The following SLC5A12 variants were observed in gnomAD, a reference collection of about 807,000 sequenced individuals.
SLC5A12 encodes solute carrier family 5 member 12, also known as sodium-coupled monocarboxylate transporter 2.
SLC5A12 carries 46 observed loss-of-function variants against 72.7 expected under a neutral mutation model. The observed-to-expected ratio is 0.63, with a 90% CI of 0.50 to 0.81. The LOEUF (loss-of-function observed/expected upper bound fraction) is 0.81, where lower values mean the gene tolerates loss of function less well. SLC5A12 is among the 30% of genes least tolerant of loss of function. SLC5A12 has a pLI of 0.00. For synonymous variants in SLC5A12, 275 were observed against 264.4 expected (o/e 1.04, Z -0.39); for missense variants, 683 against 740.7 (o/e 0.92, Z 0.90).
chr11:26,671,990 G>T (rs1854154642), intron 14 of SLC5A12, among the ~76,000 whole-genome samples: 1 of 152,076 alleles, frequency 6.6e-6, no homozygotes, highest in South Asian at 2.1e-4. Context: ...TGCTTATCAA[G>T]CCACTGTTCA....
intron 10 of SLC5A12, among the ~76,000 whole-genome samples, chr11:26,685,316 C>A (rs536579661): frequency 2.6e-5 from 4 of 152,258 alleles, no homozygotes; most frequent in African/African-American, 9.6e-5. Flanking sequence ...ATAAGAAACT[C>A]TAAATAATGT....
chr11:26,688,494 T>C (rs1050725390), intron 9 of SLC5A12, among the ~76,000 whole-genome samples: 10 of 152,166 alleles, frequency 6.6e-5, no homozygotes, highest in African/African-American at 2.2e-4. Flanking sequence ...CCTCTCTTCT[T>C]GTTCAAACAC....
At chr11:26,706,895 T>A (rs966579466) in intron 4 of SLC5A12, among the ~76,000 whole-genome samples, 25 of 151,316 alleles carry the variant, frequency 1.7e-4, no homozygotes, top group Non-Finnish European at 3.1e-4. Context: ...ATAATGGTTA[T>A]CATTTCATAC....
At chr11:26,675,829 G>C (rs1854251962) in intron 13 of SLC5A12, among the ~76,000 whole-genome samples, 1 of 152,086 alleles carries the variant, frequency 6.6e-6, no homozygotes, top group Non-Finnish European at 1.5e-5. Flanking sequence ...GGCTTAAGTT[G>C]GAAGTTAGGA....
rs778468422 is a variant in SLC5A12 at position 26,673,392 on chromosome 11, A to G, written c.1707+10T>C. 4 of 1,542,018 alleles carry G rather than the reference A, an allele frequency of 2.6e-6. No homozygotes were observed. Among genetic ancestry groups the G allele is most frequent in the Non-Finnish European group, 3.5e-6 (4 of 1,145,330 alleles). ...CATACACATTTTTAGAAGCTCAAAC[A>G]TCAGCTCACCTGCTCTGTCCCACTG... On this transcript the variant is annotated intron_variant, in intron 14 of 14. Transcript: ENST00000396005.
chr11:26,683,358 T>C (rs1854452391), intron 11 of SLC5A12, among the ~76,000 whole-genome samples: 1 of 152,336 alleles, frequency 6.6e-6, no homozygotes, highest in East Asian at 1.9e-4. Context: ...AAGTTAGTTA[T>C]AAATCTAGGT....
Position 26,678,232 on chromosome 11 carries a change from G to C in SLC5A12, c.1579+480C>G, listed in dbSNP as rs142467677. 5.5e-3 allele frequency among the ~76,000 whole-genome samples: 834 copies of C among 152,296 alleles called. 6 individuals carry two copies. The highest frequency in any genetic ancestry group is 0.01 in the Middle Eastern group (3 of 292). ...GTCTCTTACTGGGATGAAGGGAAAA[G>C]AACCACTCTGAATATTTAACCTTAT... On this transcript the variant is annotated intron_variant, in intron 13 of 14. Coordinates refer to ENST00000396005, the MANE Select transcript of SLC5A12 (RefSeq NM_178498.4).
intron 9 of SLC5A12, among the ~76,000 whole-genome samples, chr11:26,688,025 C>T (rs1229915233): frequency 1.3e-5 from 2 of 152,146 alleles, no homozygotes; most frequent in Non-Finnish European, 2.9e-5. Flanking sequence ...CAATGGTTAC[C>T]TGTTCAAATG....
intron 6 of SLC5A12, among the ~76,000 whole-genome samples, chr11:26,700,556 G>A (rs762397183): frequency 1.4e-5 from 2 of 147,382 alleles, no homozygotes; most frequent in Non-Finnish European, 3.0e-5. Flanking sequence ...AGATCTGATA[G>A]AGATATGGGG....
intron 9 of SLC5A12, among the ~76,000 whole-genome samples, chr11:26,687,714 G>C (rs1398654420): frequency 6.6e-6 from 1 of 152,082 alleles, no homozygotes; most frequent in Admixed American, 6.6e-5. Context: ...AATGAAATCA[G>C]GCTAGTCATC....
intron 10 of SLC5A12, among the ~76,000 whole-genome samples, chr11:26,684,899 T>G (rs1480439527): frequency 6.6e-6 from 1 of 152,178 alleles, no homozygotes; most frequent in African/African-American, 2.4e-5. Context: ...GTTCCATGAA[T>G]AGGAAAATAA....
chr11:26,700,078 A>C (rs956941440), intron 6 of SLC5A12, among the ~76,000 whole-genome samples: 3 of 152,208 alleles, frequency 2.0e-5, no homozygotes, highest in Non-Finnish European at 4.4e-5. Flanking sequence ...TGAGTCAGTT[A>C]TATCATCTGT....
intron 12 of SLC5A12, 114 bp from the exon 13 acceptor site, chr11:26,678,929 C>T (rs1419790069): frequency 1.8e-6 from 1 of 551,372 alleles, no homozygotes; most frequent in Non-Finnish European, 3.1e-6. Flanking sequence ...TAAATCATAA[C>T]TTTTTGTCAT....
rs150900623 is a variant in SLC5A12 at position 26,678,797 on chromosome 11, G to A, written c.1494C>T (p.Thr498=). The A allele has an allele frequency of 1.9e-6, 3 of 1,612,782 alleles. No individual in the cohort carries two copies. The highest frequency in any genetic ancestry group is 2.2e-5 in the South Asian group (2 of 91,008). Residue 498 remains threonine, a synonymous_variant, in exon 13 of 15, where the codon ACC becomes ACT. Coordinates refer to ENST00000396005, the MANE Select transcript of SLC5A12 (RefSeq NM_178498.4). ...AGTAAAGGTAGGAGATCGAGTACCA[G>A]GTATCAGCTATTCCAGGTCTGTGGA... ...VLSSRPGIAD[T]WYSISYLYYS... is the part of the protein sequence containing the mutation.
intron 13 of SLC5A12, among the ~76,000 whole-genome samples, chr11:26,675,321 TGGTAAAGCAAA>T (rs77566872): frequency 0.02 from 3,083 of 152,292 alleles, 44 homozygotes; most frequent in Non-Finnish European, 0.033. Flanking sequence ...AGATAGCAGA[TGGTAAAGCAAA>T]GTATAGGGCT....
intron 4 of SLC5A12, among the ~76,000 whole-genome samples, chr11:26,707,043 G>T (rs1057302238): frequency 2.0e-5 from 3 of 151,672 alleles, no homozygotes; most frequent in Non-Finnish European, 4.4e-5. Flanking sequence ...GGGAAGATCT[G>T]TAAGTGCTAA....
In SLC5A12 at chr11:26,671,044, A is replaced by G. The variant is rs1381760238; in HGVS notation, c.*58T>C. On this transcript the variant is annotated 3_prime_UTR_variant, in exon 15 of 15. Coordinates refer to ENST00000396005, the MANE Select transcript of SLC5A12 (RefSeq NM_178498.4). Reference sequence around the variant, plus strand: ...TAACAAGTAGGCAAGAAGTATGTGGAGTTTGTGTGTGTGTGTGTGTATTGC... The same window carrying G: ...TAACAAGTAGGCAAGAAGTATGTGGGGTTTGTGTGTGTGTGTGTGTATTGC... The G allele has an allele frequency of 2.1e-5, 20 of 950,752 alleles. No homozygotes were observed. The highest frequency in any genetic ancestry group is 2.9e-5 in the Non-Finnish European group (20 of 689,958). The allele number at this position is 950,752 out of a possible 1,614,324, so 58.9% of individuals were successfully genotyped here. A position where few individuals can be genotyped will look rare whatever the true frequency, so the allele number is the denominator to read the frequency against.
chr11:26,708,622 A>G (rs763496533), intron 4 of SLC5A12, among the ~76,000 whole-genome samples: 3 of 152,080 alleles, frequency 2.0e-5, no homozygotes, highest in African/African-American at 4.8e-5. Context: ...CATATGCTTA[A>G]CTGGTTAATT....
chr11:26,667,665 T>A lies in SLC5A12; in HGVS notation c.*3437A>T, dbSNP rs1854029930. The A allele has an allele frequency of 6.6e-6, 1 of 151,914 alleles. No individual in the cohort carries two copies. The highest frequency in any genetic ancestry group is 1.5e-5 in the Non-Finnish European group (1 of 67,908). The allele number at this position is 151,914 out of a possible 1,614,324, so 9.4% of individuals were successfully genotyped here. ...TAATAAATCATAGTAATGAATTGCA[T>A]CTTTTAGTAATAAACTTGTTTATAA... is the stretch of plus-strand genomic sequence containing the variant. On this transcript the variant is annotated 3_prime_UTR_variant, in exon 15 of 15. Transcript: ENST00000396005.
Sources: gnomAD v4.1 joint callset for allele counts (sites outside exome capture counted in the v4.1 genomes callset) on GRCh38, gnomAD v4.1.1 for gene constraint, MANE v1.5 for transcripts, NCBI Gene and HGNC (gene_info 2026-07-23, HGNC 2026-07-21) for gene names.